The following METTL2B variants were observed in gnomAD, a reference collection of about 807,000 sequenced individuals.
METTL2B encodes the protein tRNA N(3)-cytidine methyltransferase METTL2B.
A neutral mutation model predicts 51.0 loss-of-function variants in METTL2B; 28 were observed. That is an observed-to-expected ratio of 0.55 (90% CI 0.41 to 0.75). The LOEUF (loss-of-function observed/expected upper bound fraction) is 0.75. METTL2B is among the 30% of genes least tolerant of loss of function. The pLI, the probability that METTL2B is intolerant of heterozygous loss-of-function variation, is 0.00. For synonymous variants in METTL2B, 128 were observed against 166.3 expected (o/e 0.77, Z 1.77); for missense variants, 313 against 460.7 (o/e 0.68, Z 2.93).
At chr7:128,477,651 C>T (rs905234342) in intron 2 of METTL2B, among the ~76,000 whole-genome samples, 19 of 151,610 alleles carry the variant, frequency 1.3e-4, no homozygotes, top group African/African-American at 4.6e-4. Context: ...GGGCTTCAGT[C>T]AAGGAAAGGT....
intron 6 of METTL2B, 115 bp from the exon 7 acceptor site, chr7:128,497,921 T>A (rs1171755761): frequency 1.0e-6 from 1 of 999,602 alleles, no homozygotes; most frequent in Non-Finnish European, 1.5e-6. Context: ...AGCTTAGATC[T>A]CAGACTTGGT....
intron 5 of METTL2B, among the ~76,000 whole-genome samples, chr7:128,491,833 G>A (rs1404167515): frequency 6.6e-6 from 1 of 151,452 alleles, no homozygotes; most frequent in African/African-American, 2.4e-5. Context: ...AATTGGTAGT[G>A]CCATGCTTTT....
chr7:128,482,380 C>G (rs1325121771), intron 4 of METTL2B, among the ~76,000 whole-genome samples: 1 of 152,150 alleles, frequency 6.6e-6, no homozygotes, highest in Non-Finnish European at 1.5e-5. Flanking sequence ...TCTCAGACTC[C>G]TGACCTCAGG....
chr7:128,491,416 T>A lies in METTL2B; in HGVS notation c.670-2388T>A, dbSNP rs193267559. 2.3e-3 allele frequency among the ~76,000 whole-genome samples: 353 copies of A among 151,776 alleles called. 2 individuals are homozygous for A. Among genetic ancestry groups the A allele is most frequent in the African/African-American group, 8.1e-3 (337 of 41,356 alleles). On this transcript the variant is annotated intron_variant, in intron 5 of 8. Coordinates refer to ENST00000262432, the MANE Select transcript of METTL2B (RefSeq NM_018396.3). ...TTCCAGACCAGCCTGGCCAATATGG[T>A]GAAACTCCATCTCTACTAAATACAA...
At position 128,500,962 on chromosome 7, in the gene METTL2B, A is replaced by T. The variant is rs1366401568; in HGVS notation, c.976A>T (p.Thr326Ser). Residue 326 changes from threonine to serine, a missense_variant, in exon 8 of 9, where the codon ACA becomes TCA. Transcript: ENST00000262432. ...TGATGGAACCAGAGTTTACTTCTTC[A>T]CACAAGGTATGAAACACTCATCTTT... ...RGDGTRVYFF[T>S]QEELDTLFTT... 6.2e-7 allele frequency: 1 copy of T among 1,614,186 alleles called. No individual in the cohort carries two copies. Among genetic ancestry groups the T allele is most frequent in the South Asian group, 1.1e-5 (1 of 91,086 alleles).
Position 128,476,824 on chromosome 7 carries a change from T to C in METTL2B, c.59T>C (p.Phe20Ser), listed in dbSNP as rs1368465293. 2 of 1,614,130 alleles carry C rather than the reference T, an allele frequency of 1.2e-6. No individual in the cohort carries two copies. Among genetic ancestry groups the C allele is most frequent in the African/African-American group, 1.3e-5 (1 of 75,032 alleles). Residue 20 changes from phenylalanine (F) to serine (S), a missense_variant, in exon 1 of 9, where the codon TTC becomes TCC. By Grantham distance (155) the Phe-to-Ser change is radical (BLOSUM62 -2). Coordinates refer to ENST00000262432, the MANE Select transcript of METTL2B (RefSeq NM_018396.3). ...ATCCTCGCCGATAAGAGGCAGCAGTTCGGAAGCCGGTTCCTGAGCGATCCG... is the reference window on the plus strand; with the variant it reads ...ATCCTCGCCGATAAGAGGCAGCAGTCCGGAAGCCGGTTCCTGAGCGATCCG... Reference protein sequence around the residue: ...PAILADKRQQFGSRFLSDPAR... With the variant: ...PAILADKRQQSGSRFLSDPAR...
chr7:128,485,036 T>C (rs1409962181), intron 4 of METTL2B, among the ~76,000 whole-genome samples: 1 of 152,166 alleles, frequency 6.6e-6, no homozygotes, highest in Middle Eastern at 3.2e-3. Context: ...AAGCAACCAC[T>C]ACTCTACAAA....
rs903874842 is a variant in METTL2B at position 128,506,474 on chromosome 7, A to G, written c.*4558A>G. 2 of 152,148 alleles carry G rather than the reference A, an allele frequency of 1.3e-5. No homozygotes were observed. Among genetic ancestry groups the G allele is most frequent in the African/African-American group, 4.8e-5 (2 of 41,426 alleles). 9.4% of individuals were successfully genotyped at this position (152,148 alleles called of 1,614,324 possible). ...TCTCTCAGGCCAAATTTGACTCTGT[A>G]AGGGACTTTGCATAACGTTTCATCC... On this transcript the variant is annotated 3_prime_UTR_variant, in exon 9 of 9. Coordinates refer to ENST00000262432, the MANE Select transcript of METTL2B (RefSeq NM_018396.3).
chr7:128,493,796 G>A lies in METTL2B; in HGVS notation c.670-8G>A, dbSNP rs1389777940. ...TCTAACTTACTTGTCTCTTCCACCT[G>A]TCTGCAGACAAATTCAGAATATGAT... On this transcript the variant is annotated splice_region_variant and splice_polypyrimidine_tract_variant and intron_variant, in intron 5 of 8. Transcript: ENST00000262432. 6 of 1,601,108 alleles carry A rather than the reference G, an allele frequency of 3.7e-6. No individual in the cohort carries two copies. Among genetic ancestry groups the A allele is most frequent in the Middle Eastern group, 3.4e-4 (2 of 5,962 alleles).
At chr7:128,487,963 T>C in intron 4 of METTL2B, 138 bp from the exon 5 acceptor site, 1 of 1,067,914 alleles carries the variant, frequency 9.4e-7, no homozygotes, top group Non-Finnish European at 1.3e-6. Context: ...AAATGAAATA[T>C]GTTGTGACTA....
At chr7:128,499,087 CG>C (rs1792979271) in intron 7 of METTL2B, among the ~76,000 whole-genome samples, 1 of 151,460 alleles carries the variant, frequency 6.6e-6, no homozygotes. Context: ...AGGCAAATGA[CG>C]GAGTAAGAAG....
At chr7:128,499,827 C>A (rs1430802792) in intron 7 of METTL2B, among the ~76,000 whole-genome samples, 2 of 152,124 alleles carry the variant, frequency 1.3e-5, no homozygotes, top group African/African-American at 4.8e-5. Context: ...AGCTTACAGC[C>A]TTTTTTTAAG....
intron 2 of METTL2B, among the ~76,000 whole-genome samples, chr7:128,478,888 G>C (rs1799838393): frequency 6.6e-6 from 1 of 152,076 alleles, no homozygotes; most frequent in Non-Finnish European, 1.5e-5. Flanking sequence ...GTCATCCAAA[G>C]ATGTAGGAGG....
Position 128,503,367 on chromosome 7 carries a change from A to G in METTL2B, c.*1451A>G, listed in dbSNP as rs1200659172. On this transcript the variant is annotated 3_prime_UTR_variant, in exon 9 of 9. Coordinates refer to ENST00000262432, the MANE Select transcript of METTL2B (RefSeq NM_018396.3). ...AGTGTTTGACACAAAAGGAATTGAG[A>G]GAACTTCTTAATTTTAACCACATCA... 6.6e-6 allele frequency: 1 copy of G among 151,970 alleles called. No individual in the cohort carries two copies. Among genetic ancestry groups the G allele is most frequent in the Non-Finnish European group, 1.5e-5 (1 of 68,006 alleles). The allele number at this position is 151,970 out of a possible 1,614,324, so 9.4% of individuals were successfully genotyped here. A position where few individuals can be genotyped will look rare whatever the true frequency, so the allele number is the denominator to read the frequency against.
chr7:128,491,210 A>C (rs1792823675), intron 5 of METTL2B, among the ~76,000 whole-genome samples: 1 of 150,704 alleles, frequency 6.6e-6, no homozygotes, highest in Non-Finnish European at 1.5e-5. Flanking sequence ...GGTGGCCAGC[A>C]CTTTGGGAGG....
chr7:128,498,030 C>T lies in METTL2B; in HGVS notation c.810-6C>T, dbSNP rs376658966. On this transcript the variant is annotated splice_polypyrimidine_tract_variant and splice_region_variant and intron_variant, in intron 6 of 8. Coordinates refer to ENST00000262432, the MANE Select transcript of METTL2B (RefSeq NM_018396.3). Reference sequence around the variant, plus strand: ...TGATTAACTATAATTCCCTGTGTCTCCACAGGATGCAGAAGGCTATCAACA... The same window carrying T: ...TGATTAACTATAATTCCCTGTGTCTTCACAGGATGCAGAAGGCTATCAACA... The T allele has an allele frequency of 3.8e-5, 61 of 1,613,172 alleles. No homozygotes were observed. Among genetic ancestry groups the T allele is most frequent in the Non-Finnish European group, 4.7e-5 (56 of 1,179,512 alleles).
rs1173260728 is a variant in METTL2B, at chr7:128,505,612, C to T, written c.*3696C>T. 6.6e-6 allele frequency: 1 copy of T among 152,160 alleles called. No homozygotes were observed. The highest frequency in any genetic ancestry group is 2.4e-5 in the African/African-American group (1 of 41,432). 9.4% of individuals were successfully genotyped at this position (152,160 alleles called of 1,614,324 possible). ...TTAATAAGTATTTTGTAGGGAAGTG[C>T]TTTGAGACTAAATATCCTGTTCCTC... On this transcript the variant is annotated 3_prime_UTR_variant, in exon 9 of 9. Coordinates refer to ENST00000262432, the MANE Select transcript of METTL2B (RefSeq NM_018396.3).
intron 8 of METTL2B, chr7:128,501,492 T>A (rs558785171): frequency 9.1e-6 from 9 of 985,410 alleles, no homozygotes; most frequent in Admixed American, 1.2e-4. Context: ...CGTAGATAGT[T>A]TTGCATAAAT....
chr7:128,479,144 T>C lies in METTL2B; in HGVS notation c.203-14T>C, dbSNP rs958253957. ...GAGAGCTGGTTCTTAAAATTTTTTC[T>C]TAAATATTTACAGTTGATTATGAGA... On this transcript the variant is annotated splice_polypyrimidine_tract_variant and intron_variant, in intron 2 of 8. Transcript: ENST00000262432. 1.3e-6 allele frequency: 2 copies of C among 1,574,094 alleles called. No individual in the cohort carries two copies. The highest frequency in any genetic ancestry group is 2.8e-5 in the African/African-American group (2 of 72,674).
Sources: allele counts gnomAD v4.1 joint callset (sites outside exome capture counted in the v4.1 genomes callset), GRCh38; gene constraint gnomAD v4.1.1; transcripts MANE v1.5; gene names NCBI Gene and HGNC (gene_info 2026-07-23, HGNC 2026-07-21).